PALM2AKAP2: variants seen among roughly 807,000 people sequenced by gnomAD.
The protein encoded by PALM2AKAP2 is PALM2 and AKAP2 fusion.
PALM2AKAP2 carries 37 observed loss-of-function variants against 71.5 expected under a neutral mutation model. The observed-to-expected ratio is 0.52, with a 90% CI of 0.40 to 0.68. The LOEUF (loss-of-function observed/expected upper bound fraction) is 0.68, where lower values mean the gene tolerates loss of function less well. PALM2AKAP2 is among the 30% of genes least tolerant of loss of function. The probability of loss-of-function intolerance (pLI) is 0.00; values close to 1 mark genes in which losing one functional copy is unlikely to be tolerated. For missense variants in PALM2AKAP2, 1,224 were observed against 1,191.8 expected (o/e 1.03, Z -0.40); for synonymous variants, 468 against 478.8 (o/e 0.98, Z 0.29).
intron 1 of PALM2AKAP2, among the ~76,000 whole-genome samples, chr9:110,093,474 G>A (rs1205971839): frequency 1.3e-5 from 2 of 152,180 alleles, no homozygotes; most frequent in African/African-American, 2.4e-5. Flanking sequence ...ATTGGCAATT[G>A]ACCAAAAATT....
intron 1 of PALM2AKAP2, among the ~76,000 whole-genome samples, chr9:109,666,866 T>C (rs1827493249): frequency 6.6e-6 from 1 of 152,138 alleles, no homozygotes; most frequent in South Asian, 2.1e-4. Flanking sequence ...AACAAAGCAG[T>C]TAGATGTGTT....
chr9:110,113,752 C>T (rs1588116251), intron 1 of PALM2AKAP2, among the ~76,000 whole-genome samples: 1 of 151,996 alleles, frequency 6.6e-6, no homozygotes, highest in African/African-American at 2.4e-5. Context: ...AGGCTGGTCT[C>T]GAACTTCTGA....
At chr9:109,806,580 TCAA>T (rs1827578576) in intron 1 of PALM2AKAP2, among the ~76,000 whole-genome samples, 1 of 152,192 alleles carries the variant, frequency 6.6e-6, no homozygotes, top group Non-Finnish European at 1.5e-5. Context: ...CATAGAATGT[TCAA>T]GAAAAACCTT....
intron 1 of PALM2AKAP2, among the ~76,000 whole-genome samples, chr9:109,657,452 T>TTTTGTGTGTGTGTGTGTG (rs112474230): frequency 3.6e-4 from 53 of 147,216 alleles, no homozygotes; most frequent in African/African-American, 1.3e-3. Context: ...AATATGGTAT[T>TTTTGTGTGTGTGTGTGTG]TGTGTGTGTG....
In PALM2AKAP2 at chr9:110,014,851, T is replaced by TACAC. The variant is rs1360117476; in HGVS notation, c.497-1093_497-1090dup. ...ATATATATATATATATATATATATA[T>TACAC]ACACACACACACATATATCTTGCCA... On this transcript the variant is annotated intron_variant, in intron 6 of 9. Coordinates refer to the PALM2AKAP2 transcript ENST00000302798. Among the ~76,000 whole-genome samples the TACAC allele has an allele frequency of 2.1e-4, 19 of 89,534 alleles. 1 individual carries two copies. The highest frequency in any genetic ancestry group is 1.1e-3 in the East Asian group (3 of 2,820). 58.7% of individuals were successfully genotyped at this position (89,534 alleles called of 152,430 possible).
At chr9:110,136,849 C>T (rs774424547) in exon 2 of PALM2AKAP2, 5 of 1,614,196 alleles carry the variant, frequency 3.1e-6, no homozygotes, top group Non-Finnish European at 4.2e-6. Context: ...AAGAACAATA[C>T]TGCATTAGAA....
chr9:109,970,309 T>C (rs1832041828), intron 6 of PALM2AKAP2, among the ~76,000 whole-genome samples: 1 of 152,210 alleles, frequency 6.6e-6, no homozygotes, highest in Non-Finnish European at 1.5e-5. Context: ...GTTCTAAACA[T>C]ATTCTTTCCA....
At chr9:109,988,062 C>A (rs1004358967) in intron 6 of PALM2AKAP2, among the ~76,000 whole-genome samples, 6 of 152,324 alleles carry the variant, frequency 3.9e-5, no homozygotes, top group Non-Finnish European at 8.8e-5. Flanking sequence ...GTGCTTTCTG[C>A]TACATGTCCT....
chr9:109,978,440 T>A (rs1418490916), intron 6 of PALM2AKAP2, among the ~76,000 whole-genome samples: 5 of 152,208 alleles, frequency 3.3e-5, no homozygotes, highest in Non-Finnish European at 7.3e-5. Flanking sequence ...TGAGCATTAA[T>A]GGAATGCCCT....
intron 1 of PALM2AKAP2, among the ~76,000 whole-genome samples, chr9:109,758,199 T>A (rs1224476827): frequency 6.6e-6 from 1 of 152,064 alleles, no homozygotes; most frequent in Non-Finnish European, 1.5e-5. Context: ...GCATGAAGAG[T>A]TTTTCCATCC....
At chr9:110,113,515 C>A (rs947011895) in intron 1 of PALM2AKAP2, among the ~76,000 whole-genome samples, 37 of 148,128 alleles carry the variant, frequency 2.5e-4, no homozygotes, top group African/African-American at 8.9e-4. Context: ...CAAAGTGAGC[C>A]ACTGCACCTG....
chr9:109,971,283 C>CTTTTT lies in PALM2AKAP2; in HGVS notation c.496+39282_496+39286dup, dbSNP rs11392589. ...TCCATGTTTATCCCACTCTTAGTCC[C>CTTTTT]TTTTTTTTTTTTTTTTTTTTTTTTT... On this transcript the variant is annotated intron_variant, in intron 6 of 9. Transcript: ENST00000302798. Among the ~76,000 whole-genome samples the CTTTTT allele has an allele frequency of 9.2e-3, 418 of 45,646 alleles. 25 individuals carry two copies. The highest frequency in any genetic ancestry group is 0.035 in the East Asian group (65 of 1,882). The allele number at this position is 45,646 out of a possible 152,430, so 29.9% of individuals were successfully genotyped here. A position where few individuals can be genotyped will look rare whatever the true frequency, so the allele number is the denominator to read the frequency against.
intron 6 of PALM2AKAP2, among the ~76,000 whole-genome samples, chr9:109,963,699 C>T (rs1831892187): frequency 6.6e-6 from 1 of 152,182 alleles, no homozygotes; most frequent in African/African-American, 2.4e-5. Context: ...ACCCCTGTCC[C>T]CTGACTGTGC....
chr9:109,879,864 AT>A (rs2131754401), intron 2 of PALM2AKAP2, among the ~76,000 whole-genome samples: 1 of 152,160 alleles, frequency 6.6e-6, no homozygotes, highest in Admixed American at 6.5e-5. Context: ...CACCCAGCTA[AT>A]TGTTTAATTT....
intron 1 of PALM2AKAP2, among the ~76,000 whole-genome samples, chr9:109,750,480 A>C (rs970134539): frequency 2.0e-5 from 3 of 152,146 alleles, no homozygotes; most frequent in Non-Finnish European, 4.4e-5. Context: ...ATGCAATGCT[A>C]AGTATGATAC....
intron 1 of PALM2AKAP2, among the ~76,000 whole-genome samples, chr9:110,053,409 T>C (rs909711876): frequency 1.3e-5 from 2 of 150,400 alleles, no homozygotes; most frequent in African/African-American, 2.4e-5. Context: ...GTGCCTGTAA[T>C]CCCAGCTACT....
chr9:109,816,193 G>T (rs1272096846), intron 1 of PALM2AKAP2, among the ~76,000 whole-genome samples: 1 of 152,160 alleles, frequency 6.6e-6, no homozygotes, highest in Non-Finnish European at 1.5e-5. Context: ...CCTTATGTAG[G>T]TGTTTGATCT....
In PALM2AKAP2 at chr9:109,932,225, G is replaced by A. The variant is rs958766854; in HGVS notation, c.496+197G>A. Among the ~76,000 whole-genome samples, 107 of 152,236 alleles carry A rather than the reference G, an allele frequency of 7.0e-4. 6 individuals carry two copies. The highest frequency in any genetic ancestry group is 5.9e-5 in the Non-Finnish European group (4 of 68,042). ...GGGTAACTGAGGACCAAATGGGAAG[G>A]AGTTCTGAGGAAATCATACGGCATT... On this transcript the variant is annotated intron_variant, in intron 6 of 9. Coordinates refer to the PALM2AKAP2 transcript ENST00000302798.
At chr9:109,923,011 C>T (rs1430909406) in intron 3 of PALM2AKAP2, among the ~76,000 whole-genome samples, 2 of 152,196 alleles carry the variant, frequency 1.3e-5, no homozygotes, top group African/African-American at 4.8e-5. Flanking sequence ...TCAGTAAATA[C>T]TGGTGGTAAT....
Sources: gnomAD v4.1 joint callset for allele counts (sites outside exome capture counted in the v4.1 genomes callset) on GRCh38, gnomAD v4.1.1 for gene constraint, MANE v1.5 for transcripts, NCBI Gene and HGNC (gene_info 2026-07-23, HGNC 2026-07-21) for gene names.